PDK1: variants seen among roughly 807,000 people sequenced by gnomAD.
PDK1 encodes pyruvate dehydrogenase kinase 1, also known as [Pyruvate dehydrogenase (acetyl-transferring)] kinase isozyme 1, mitochondrial.
In PDK1, 39 loss-of-function variants were observed where a neutral mutation model predicts 54.2. That is an observed-to-expected ratio of 0.72 (90% CI 0.56 to 0.94). The LOEUF is 0.94. Ranked by LOEUF, PDK1 falls within the 40% of genes least tolerant of loss-of-function variation. The pLI, the probability that PDK1 is intolerant of heterozygous loss-of-function variation, is 0.00. For missense variants in PDK1, 552 were observed against 566.0 expected (o/e 0.98, Z 0.25); for synonymous variants, 221 against 207.1 (o/e 1.07, Z -0.58).
At chr2:172,656,183 C>G in the PDK1 span, among the ~76,000 whole-genome samples, 2 of 152,166 alleles carry the variant, frequency 1.3e-5, no homozygotes, top group Admixed American at 6.5e-5. Flanking sequence ...TTCAGAATCT[C>G]TAAGTATTTT....
At chr2:172,563,569 C>T (rs1261884695) in intron 3 of PDK1, among the ~76,000 whole-genome samples, 1 of 152,216 alleles carries the variant, frequency 6.6e-6, no homozygotes, top group Non-Finnish European at 1.5e-5. Context: ...CACGGTGGCT[C>T]ACGCCTGTAA....
At chr2:172,715,183 T>G in the PDK1 span, among the ~76,000 whole-genome samples, 9 of 152,162 alleles carry the variant, frequency 5.9e-5, no homozygotes, top group Non-Finnish European at 1.2e-4. Flanking sequence ...TCAAGGCAGC[T>G]TCCCTGTAGG....
downstream of PDK1, among the ~76,000 whole-genome samples, chr2:172,612,847 A>T (rs538891549): frequency 7.9e-5 from 12 of 152,158 alleles, no homozygotes. Flanking sequence ...TTTAGTGGAG[A>T]CGGGGTTTCA....
the PDK1 span, among the ~76,000 whole-genome samples, chr2:172,651,829 G>T: frequency 6.6e-6 from 1 of 152,070 alleles, no homozygotes; most frequent in Non-Finnish European, 1.5e-5. Context: ...ATAATTAATA[G>T]CCTACCAACC....
the PDK1 span, among the ~76,000 whole-genome samples, chr2:172,688,941 G>C: frequency 6.6e-6 from 1 of 152,178 alleles, no homozygotes; most frequent in Non-Finnish European, 1.5e-5. Flanking sequence ...AGACCTTCAT[G>C]GTGAGTGTTA....
intron 2 of PDK1, among the ~76,000 whole-genome samples, chr2:172,560,003 C>T (rs1310010266): frequency 1.3e-5 from 2 of 152,038 alleles, no homozygotes; most frequent in Non-Finnish European, 2.9e-5. Flanking sequence ...CATGCCACAC[C>T]CAGCTAATTT....
chr2:172,686,584 C>T, the PDK1 span, among the ~76,000 whole-genome samples: 1 of 152,226 alleles, frequency 6.6e-6, no homozygotes, highest in Non-Finnish European at 1.5e-5. Flanking sequence ...AAGCTGGCCA[C>T]CCCAGCCTGC....
chr2:172,705,930 ACTTTGAGAGGAAGAAGGCTGTAGATT>A, the PDK1 span, among the ~76,000 whole-genome samples: 1 of 152,336 alleles, frequency 6.6e-6, no homozygotes, highest in East Asian at 1.9e-4. Context: ...TAAATGTTTT[ACTTTGAGAGGAAGAAGGCTGTAGATT>A]CTCATGCAGT....
At chr2:172,590,694 AC>A in intron 9 of PDK1, among the ~76,000 whole-genome samples, 1 of 151,974 alleles carries the variant, frequency 6.6e-6, no homozygotes, top group Admixed American at 6.5e-5. Flanking sequence ...GTGGAAGGGG[AC>A]CCGAGCGGGT....
the PDK1 span, among the ~76,000 whole-genome samples, chr2:172,699,630 G>T: frequency 1.3e-5 from 2 of 151,978 alleles, no homozygotes; most frequent in South Asian, 4.2e-4. Flanking sequence ...TTCTTTTCCT[G>T]CTGTCTAGCA....
At chr2:172,583,737 T>C (rs1690053695) in intron 8 of PDK1, among the ~76,000 whole-genome samples, 1 of 152,134 alleles carries the variant, frequency 6.6e-6, no homozygotes, top group African/African-American at 2.4e-5. Context: ...TAATTACCAT[T>C]ATAAAGGTAA....
the PDK1 span, among the ~76,000 whole-genome samples, chr2:172,637,199 ATTC>A: frequency 1.3e-5 from 2 of 152,192 alleles, no homozygotes. Flanking sequence ...GTTTCCAAGT[ATTC>A]TTTAGTTCCC....
At chr2:172,573,467 T>G (rs1487494364) in intron 8 of PDK1, among the ~76,000 whole-genome samples, 1 of 151,808 alleles carries the variant, frequency 6.6e-6, no homozygotes, top group Non-Finnish European at 1.5e-5. Flanking sequence ...TTCTCTCTCA[T>G]GTATATGTGT....
chr2:172,708,549 A>G, the PDK1 span, among the ~76,000 whole-genome samples: 1 of 152,386 alleles, frequency 6.6e-6, no homozygotes, highest in African/African-American at 2.4e-5. Flanking sequence ...AAATAGCAGT[A>G]TACATATATC....
chr2:172,621,420 C>T, the PDK1 span, among the ~76,000 whole-genome samples: 1,728 of 151,956 alleles, frequency 0.011, 32 homozygotes, highest in African/African-American at 0.039. Flanking sequence ...ACATCGGACA[C>T]CAGATTCTTC....
At chr2:172,650,499 T>G in the PDK1 span, among the ~76,000 whole-genome samples, 2 of 152,170 alleles carry the variant, frequency 1.3e-5, no homozygotes, top group African/African-American at 4.8e-5. Context: ...ACCTTAAATG[T>G]AAATGGGCTA....
Position 172,601,072 on chromosome 2 carries a change from G to T in PDK1, c.*5103G>T, listed in dbSNP as rs113922591. 1 of 152,140 alleles carries T rather than the reference G, an allele frequency of 6.6e-6. No individual in the cohort carries two copies. Among genetic ancestry groups the T allele is most frequent in the Non-Finnish European group, 1.5e-5 (1 of 68,024 alleles). The allele number at this position is 152,140 out of a possible 1,614,324, so 9.4% of individuals were successfully genotyped here. On this transcript the variant is annotated 3_prime_UTR_variant, in exon 11 of 11. Coordinates refer to ENST00000282077, the MANE Select transcript of PDK1 (RefSeq NM_002610.5). ...AAGAAAAGTTTTCTGCCGGGGACTC[G>T]CTTTACCCTGTCTACCTAAATTCTT...
rs1418028333 is a variant in PDK1 at position 172,602,420 on chromosome 2, G to A, written c.*6451G>A. ...AACAGGAAATTCAGTTTCTTTGGGG[G>A]ATAGTTGTAATTAAAAGTGCTTAAC... On this transcript the variant is annotated 3_prime_UTR_variant, in exon 11 of 11. Coordinates refer to ENST00000282077, the MANE Select transcript of PDK1 (RefSeq NM_002610.5). 2 of 152,186 alleles carry A rather than the reference G, an allele frequency of 1.3e-5. No homozygotes were observed. Among genetic ancestry groups the A allele is most frequent in the Non-Finnish European group, 2.9e-5 (2 of 68,030 alleles). 9.4% of individuals were successfully genotyped at this position (152,186 alleles called of 1,614,324 possible).
At chr2:172,562,123 A>G in intron 2 of PDK1, 97 bp from the exon 3 acceptor site, 1 of 700,212 alleles carries the variant, frequency 1.4e-6, no homozygotes, top group South Asian at 1.8e-5. Context: ...TAAATTAAAA[A>G]TTATAAAATG....
Sources: allele counts gnomAD v4.1 joint callset (sites outside exome capture counted in the v4.1 genomes callset), GRCh38; gene constraint gnomAD v4.1.1; transcripts MANE v1.5; gene names NCBI Gene and HGNC (gene_info 2026-07-23, HGNC 2026-07-21).